The following CDH18 variants were observed in gnomAD, a reference collection of about 807,000 sequenced individuals.
CDH18 encodes cadherin-18.
In CDH18, 31 loss-of-function variants were observed where a neutral mutation model predicts 67.9. The observed-to-expected ratio is 0.46, with a 90% CI of 0.34 to 0.62. The LOEUF is 0.62. CDH18 is among the 20% of genes least tolerant of loss of function. CDH18 has a pLI of 0.01. For synonymous variants in CDH18, 362 were observed against 347.2 expected (o/e 1.04, Z -0.48); for missense variants, 890 against 975.5 (o/e 0.91, Z 1.17).
intron 1 of CDH18, among the ~76,000 whole-genome samples, chr5:20,356,782 C>T (rs570013720): frequency 6.7e-6 from 1 of 149,232 alleles, no homozygotes; most frequent in African/African-American, 2.5e-5. Context: ...CACATGCACA[C>T]ACACATATAC....
intron 5 of CDH18, among the ~76,000 whole-genome samples, chr5:19,704,032 G>A (rs1477502200): frequency 6.6e-6 from 1 of 152,172 alleles, no homozygotes; most frequent in Non-Finnish European, 1.5e-5. Flanking sequence ...GCAGAGCCAG[G>A]AGAGGGTATA....
intron 8 of CDH18, among the ~76,000 whole-genome samples, chr5:19,566,094 T>C (rs182251372): frequency 3.3e-5 from 5 of 152,050 alleles, no homozygotes; most frequent in South Asian, 4.1e-4. Flanking sequence ...AAAGATGACA[T>C]ACAAATAGCA....
At chr5:20,183,921 A>G (rs956770310) in intron 2 of CDH18, among the ~76,000 whole-genome samples, 1 of 152,072 alleles carries the variant, frequency 6.6e-6, no homozygotes, top group African/African-American at 2.4e-5. Flanking sequence ...CTCAAAATTT[A>G]TAATTTCAAT....
rs568110224 is a variant in CDH18, at chr5:20,153,686, C to A, written c.-518+101758G>T. On this transcript the variant is annotated intron_variant, in intron 2 of 14. Transcript: ENST00000507958. ...TAGAAAGGCTTCTCTTCCTGTCTTA[C>A]AGGTGAATGTCTTCACAGTGTGTCC... Among the ~76,000 whole-genome samples the A allele has an allele frequency of 3.9e-5, 6 of 152,296 alleles. No individual in the cohort carries two copies. The East Asian group carries it at 9.7e-4, about 25-fold the overall frequency.
At chr5:19,587,995 T>C (rs1165169259) in intron 7 of CDH18, among the ~76,000 whole-genome samples, 1 of 152,116 alleles carries the variant, frequency 6.6e-6, no homozygotes, top group African/African-American at 2.4e-5. Context: ...CTTGAATAGG[T>C]CCTTTGCTTC....
At chr5:20,236,721 G>A (rs558502878) in intron 2 of CDH18, among the ~76,000 whole-genome samples, 5 of 152,098 alleles carry the variant, frequency 3.3e-5, no homozygotes, top group Admixed American at 2.6e-4. Flanking sequence ...AGGAAATCTA[G>A]ACACAGGTTT....
intron 3 of CDH18, among the ~76,000 whole-genome samples, chr5:19,815,712 G>A (rs907744042): frequency 1.3e-5 from 2 of 151,856 alleles, no homozygotes; most frequent in South Asian, 2.1e-4. Context: ...TGACACCTCC[G>A]TAACTAATCC....
intron 9 of CDH18, among the ~76,000 whole-genome samples, chr5:19,530,027 C>G (rs938597113): frequency 2.6e-5 from 4 of 152,140 alleles, no homozygotes; most frequent in African/African-American, 9.7e-5. Context: ...AGAACTCACA[C>G]TATCTGATTT....
At chr5:20,057,026 T>C (rs907871206) in intron 2 of CDH18, among the ~76,000 whole-genome samples, 1 of 152,208 alleles carries the variant, frequency 6.6e-6, no homozygotes. Context: ...TACCTACAAT[T>C]AACTTTTTGT....
At chr5:20,315,569 A>T (rs930303052) in intron 1 of CDH18, among the ~76,000 whole-genome samples, 1 of 151,892 alleles carries the variant, frequency 6.6e-6, no homozygotes, top group Non-Finnish European at 1.5e-5. Context: ...TCCTTTTTCG[A>T]CTTCACCTCT....
chr5:20,078,327 G>A (rs2150536294), intron 2 of CDH18, among the ~76,000 whole-genome samples: 1 of 152,086 alleles, frequency 6.6e-6, no homozygotes, highest in Middle Eastern at 3.4e-3. Flanking sequence ...GCTGGGTGTG[G>A]TGGCGTGTGC....
chr5:19,984,907 A>G (rs972506385), intron 1 of CDH18, among the ~76,000 whole-genome samples: 1 of 152,172 alleles, frequency 6.6e-6, no homozygotes, highest in African/African-American at 2.4e-5. Context: ...TTTAAACACT[A>G]GAAACTACTC....
intron 1 of CDH18, among the ~76,000 whole-genome samples, chr5:20,508,551 G>T (rs1455493191): frequency 6.6e-6 from 1 of 151,340 alleles, no homozygotes; most frequent in Non-Finnish European, 1.5e-5. Flanking sequence ...CACACATTGG[G>T]AGATTTTATT....
At chr5:19,708,849 CT>C (rs1764305363) in intron 5 of CDH18, among the ~76,000 whole-genome samples, 2 of 152,038 alleles carry the variant, frequency 1.3e-5, no homozygotes, top group African/African-American at 2.4e-5. Context: ...TGTCAGCCCC[CT>C]GATTCCCACT....
intron 2 of CDH18, among the ~76,000 whole-genome samples, chr5:19,839,794 C>A (rs1782069840): frequency 6.6e-6 from 1 of 151,910 alleles, no homozygotes; most frequent in Non-Finnish European, 1.5e-5. Flanking sequence ...GCATATCTAC[C>A]CCGGGTATGA....
chr5:20,089,887 T>C (rs572671708), intron 2 of CDH18, among the ~76,000 whole-genome samples: 4 of 152,166 alleles, frequency 2.6e-5, no homozygotes, highest in Non-Finnish European at 5.9e-5. Flanking sequence ...TAAAGAAATT[T>C]CCAATCATTA....
chr5:20,419,185 A>AT (rs934704338), intron 1 of CDH18, among the ~76,000 whole-genome samples: 1 of 151,746 alleles, frequency 6.6e-6, no homozygotes, highest in African/African-American at 2.4e-5. Flanking sequence ...TTGCTTCTCA[A>AT]TTTTTTTCTC....
Position 20,554,139 on chromosome 5 carries a change from C to G in CDH18, c.-580+21323G>C, listed in dbSNP as rs529870335. Among the ~76,000 whole-genome samples, 3 of 152,212 alleles carry G rather than the reference C, an allele frequency of 2.0e-5. No individual in the cohort carries two copies. The South Asian group carries it at 6.2e-4, about 32-fold the overall frequency. On this transcript the variant is annotated intron_variant, in intron 1 of 14. Coordinates refer to the CDH18 transcript ENST00000507958. ...CTTAGAAAAAAAATTCTGTAAAGTG[C>G]TAGATATCTAGTCAGTATTTTAGAT...
intron 2 of CDH18, among the ~76,000 whole-genome samples, chr5:19,841,079 A>G (rs1368632322): frequency 6.6e-6 from 1 of 152,226 alleles, no homozygotes; most frequent in Non-Finnish European, 1.5e-5. Flanking sequence ...ATTAGATTCA[A>G]GAGCACGGCA....
Sources: allele counts gnomAD v4.1 joint callset (sites outside exome capture counted in the v4.1 genomes callset), GRCh38; gene constraint gnomAD v4.1.1; transcripts MANE v1.5; gene names NCBI Gene and HGNC (gene_info 2026-07-23, HGNC 2026-07-21).